Variants in TTC24 observed in about 807,000 individuals in gnomAD.
TTC24 encodes tetratricopeptide repeat protein 24.
Under a neutral mutation model 63.3 loss-of-function variants are expected in TTC24, and 54 were observed. The observed-to-expected ratio is 0.85, with a 90% CI of 0.69 to 1.07. The LOEUF is 1.07. Among genes scored for constraint, TTC24 ranks in the 50% least tolerant of loss-of-function variants. The pLI is 0.00. For missense variants in TTC24, 680 were observed against 730.5 expected, an observed-to-expected ratio of 0.93 and a Z score of 0.80; for synonymous variants, 276 against 304.3, an observed-to-expected ratio of 0.91 and a Z score of 0.97.
rs1677011455 is a variant in TTC24 at position 156,581,987 on chromosome 1, G to A, written c.623G>A (p.Gly208Glu). ...GCGGCAGGATGTATGCTGAAGAGTG[G>A]GCGGCATCGGGTGGGGGAAGTTGTG... ...GAAAGCMLKS[G>E]RHRVGEVVQV... Residue 208 changes from glycine (G) to glutamate (E), a missense_variant, in exon 2 of 11, where the codon GGG (glycine) becomes GAG (glutamate). Gly to Glu is a moderately conservative substitution (Grantham distance 98). Coordinates refer to ENST00000368236, the MANE Select transcript of TTC24 (RefSeq NM_001105669.4). 4 of 1,512,560 alleles carry A rather than the reference G, an allele frequency of 2.6e-6. No homozygotes were observed. The highest frequency in any genetic ancestry group is 1.4e-5 in the African/African-American group (1 of 70,892). The allele number at this position is 1,512,560 out of a possible 1,614,324, so 93.7% of individuals were successfully genotyped here.
chr1:156,585,768 C>G lies in TTC24; in HGVS notation c.1512C>G (p.Pro504=), dbSNP rs1677137899. Residue 504 remains proline, a synonymous_variant, in exon 9 of 11, where the codon CCC becomes CCG. Transcript: ENST00000368236. ...CGCACCATCTAGCTTCTAGTTGCCC[C>G]ACGTTTACCAAGCACACGCCCTGCA... ...NHSHHLASSC[P]TFTKHTPCRG... is the part of the protein sequence containing the mutation. The G allele has an allele frequency of 6.2e-7, 1 of 1,613,852 alleles. No individual in the cohort carries two copies. Among genetic ancestry groups the G allele is most frequent in the Non-Finnish European group, 8.5e-7 (1 of 1,179,892 alleles).
rs2102475193 is a variant in TTC24 at position 156,583,958 on chromosome 1, T to G, written c.1251+63T>G. On this transcript the variant is annotated intron_variant, in intron 6 of 10. Transcript: ENST00000368236. This position sits in a 1 kb window ranked among gnomAD's most constrained non-coding sequence, Gnocchi z 4.0. ...AGAGGTTACCCAGAGAAGGGGTTGG[T>G]GGTAAGCAGAGACGCTGTTCCCTGG... 7.0e-7 allele frequency: 1 copy of G among 1,422,054 alleles called. No homozygotes were observed. Among genetic ancestry groups the G allele is most frequent in the Non-Finnish European group, 9.7e-7 (1 of 1,030,904 alleles). 88.1% of individuals were successfully genotyped at this position (1,422,054 alleles called of 1,614,324 possible). A position where few individuals can be genotyped will look rare whatever the true frequency, so the allele number is the denominator to read the frequency against.
rs982415879 is a variant in TTC24 at position 156,586,834 on chromosome 1, T to C, written c.*284T>C. On this transcript the variant is annotated 3_prime_UTR_variant, in exon 11 of 11. Transcript: ENST00000368236. ...TTCTGAATCCAAATCTTACGATTGC[T>C]AGGGGCCTGGCAGTTCTAAAAACTG... The C allele has an allele frequency of 1.4e-5, 4 of 289,550 alleles. No individual in the cohort carries two copies. The highest frequency in any genetic ancestry group is 8.3e-5 in the African/African-American group (4 of 47,968). 17.9% of individuals were successfully genotyped at this position (289,550 alleles called of 1,614,324 possible). A position where few individuals can be genotyped will look rare whatever the true frequency, so the allele number is the denominator to read the frequency against.
chr1:156,582,181 C>A (rs1212621879), intron 2 of TTC24, 50 bp from the exon 3 acceptor site: 2 of 1,506,982 alleles, frequency 1.3e-6, no homozygotes, highest in South Asian at 2.5e-5. Context: ...GCTGTACCAG[C>A]CTCATTTATA....
rs759968377 is a variant in TTC24, at chr1:156,585,824, A to G, written c.1568A>G (p.Tyr523Cys). The G allele has an allele frequency of 1.2e-6, 2 of 1,612,310 alleles. No individual in the cohort carries two copies. The highest frequency in any genetic ancestry group is 2.2e-5 in the East Asian group (1 of 44,876). The stretch of plus-strand genomic sequence containing the variant: ...ACAGTCCTCGGCAAAGCCTCCATCT[A>G]TAGTGAGCAGTGCATCCCCTGACAC... ...RGTVLGKASIYSPGPRAHLPF... is the reference protein window; with the variant it reads ...RGTVLGKASICSPGPRAHLPF... Residue 523 changes from tyrosine to cysteine, a missense_variant and splice_region_variant, in exon 9 of 11, where the codon TAT becomes TGT. Coordinates refer to ENST00000368236, the MANE Select transcript of TTC24 (RefSeq NM_001105669.4).
rs948182767 is a variant in TTC24, at chr1:156,587,643, C to T, written c.*1093C>T. On this transcript the variant is annotated 3_prime_UTR_variant, in exon 11 of 11. Coordinates refer to ENST00000368236, the MANE Select transcript of TTC24 (RefSeq NM_001105669.4). ...TTGAGCCCAGGAGTTTGAGACCACC[C>T]TGGGCAACATAGTGAGACCCCATGT... Among the ~76,000 whole-genome samples, 1 of 151,950 alleles carries T rather than the reference C, an allele frequency of 6.6e-6. No individual in the cohort carries two copies. The highest frequency in any genetic ancestry group is 2.4e-5 in the African/African-American group (1 of 41,324).
rs369172224 is a variant in TTC24 at position 156,586,001 on chromosome 1, G to A, written c.1623G>A (p.Ala541=). 414 of 1,589,220 alleles carry A rather than the reference G, an allele frequency of 2.6e-4. No individual in the cohort carries two copies. Among genetic ancestry groups the A allele is most frequent in the Non-Finnish European group, 2.8e-4 (329 of 1,167,362 alleles). Residue 541 remains alanine (A), a synonymous_variant, in exon 10 of 11, where the codon GCG becomes GCA. Transcript: ENST00000368236. ...TTGTAGGTCCAGGCCCTCCCAGAGC[G>A]GAGTACCCTAGCATCTTGGTACCCA... ...LPFVGPGPPR[A]EYPSILVPNG...
At position 156,583,957 on chromosome 1, in the gene TTC24, G is replaced by C; in HGVS notation, c.1251+62G>C. On this transcript the variant is annotated intron_variant, in intron 6 of 10. Transcript: ENST00000368236. This position sits in a 1 kb window ranked among gnomAD's most constrained non-coding sequence, Gnocchi z 4.0. ...GAGAGGTTACCCAGAGAAGGGGTTG[G>C]TGGTAAGCAGAGACGCTGTTCCCTG... The C allele has an allele frequency of 7.0e-7, 1 of 1,421,826 alleles. No homozygotes were observed. Among genetic ancestry groups the C allele is most frequent in the Non-Finnish European group, 9.7e-7 (1 of 1,030,338 alleles). 88.1% of individuals were successfully genotyped at this position (1,421,826 alleles called of 1,614,324 possible). A position where few individuals can be genotyped will look rare whatever the true frequency, so the allele number is the denominator to read the frequency against.
At chr1:156,585,061 TC>T in intron 7 of TTC24, 63 bp from the exon 8 acceptor site, 1 of 1,550,216 alleles carries the variant, frequency 6.5e-7, no homozygotes, top group Admixed American at 1.9e-5. Context: ...CCCATGTGTA[TC>T]CCCAGGAAGG....
chr1:156,581,296 A>G, intron 1 of TTC24, 65 bp from the exon 2 acceptor site: 1 of 1,249,418 alleles, frequency 8.0e-7, no homozygotes, highest in Non-Finnish European at 1.1e-6. Flanking sequence ...AATTGCCCTA[A>G]GGGGGTCCTG....
chr1:156,583,858 G>T lies in TTC24; in HGVS notation c.1214G>T (p.Arg405Leu), dbSNP rs528644684. The T allele has an allele frequency of 2.5e-6, 4 of 1,584,518 alleles. No homozygotes were observed. In the South Asian group the frequency reaches 4.6e-5, roughly 18 times the overall value. ...AAGCTGGCAGACACCGTGAGGACGC[G>T]CTTGGCCCAGGTGGGGCTGGTCCAG... ...VAKLADTVRT[R>L]LAQVGLVQTH... Residue 405 changes from arginine to leucine, a missense_variant, in exon 6 of 11, where the codon CGC becomes CTC. Arg to Leu is a moderately radical substitution (Grantham distance 102, BLOSUM62 -2). Coordinates refer to ENST00000368236, the MANE Select transcript of TTC24 (RefSeq NM_001105669.4). The surrounding 1 kb of genome is among the most constrained non-coding windows in gnomAD (Gnocchi z 4.0).
In TTC24 at chr1:156,587,667, G is replaced by A. The variant is rs976110940; in HGVS notation, c.*1117G>A. On this transcript the variant is annotated 3_prime_UTR_variant, in exon 11 of 11. Coordinates refer to ENST00000368236, the MANE Select transcript of TTC24 (RefSeq NM_001105669.4). ...CCTGGGCAACATAGTGAGACCCCATGTCAATGTAAAAGAAAATTTATCTTT... is the reference window on the plus strand; with the variant it reads ...CCTGGGCAACATAGTGAGACCCCATATCAATGTAAAAGAAAATTTATCTTT... 6.6e-6 allele frequency among the ~76,000 whole-genome samples: 1 copy of A among 151,970 alleles called. No individual in the cohort carries two copies. Among genetic ancestry groups the A allele is most frequent in the African/African-American group, 2.4e-5 (1 of 41,310 alleles).
rs1050082839 is a variant in TTC24 at position 156,586,933 on chromosome 1, A to G, written c.*383A>G. Among the ~76,000 whole-genome samples the G allele has an allele frequency of 1.3e-5, 2 of 152,184 alleles. No homozygotes were observed. The highest frequency in any genetic ancestry group is 4.8e-5 in the African/African-American group (2 of 41,426). On this transcript the variant is annotated 3_prime_UTR_variant, in exon 11 of 11. Transcript: ENST00000368236. ...ATTTTTGCACATGAGAAATGAGGAT[A>G]TAATACTACAGAAGAGGCATCTTAC...
At position 156,583,535 on chromosome 1, in the gene TTC24, C is replaced by A; in HGVS notation, c.1152+85C>A. The stretch of plus-strand genomic sequence containing the variant: ...CCTGCCTTCACTCCTTGTCTTCTCC[C>A]CATCACTCACTCAATCAGCAAACAT... On this transcript the variant is annotated intron_variant, in intron 5 of 10. Transcript: ENST00000368236. This position sits in a 1 kb window ranked among gnomAD's most constrained non-coding sequence, Gnocchi z 4.0. The A allele has an allele frequency of 8.8e-7, 1 of 1,134,430 alleles. No individual in the cohort carries two copies. Among genetic ancestry groups the A allele is most frequent in the South Asian group, 1.5e-5 (1 of 66,120 alleles). The allele number at this position is 1,134,430 out of a possible 1,614,324, so 70.3% of individuals were successfully genotyped here. A position where few individuals can be genotyped will look rare whatever the true frequency, so the allele number is the denominator to read the frequency against.
intron 8 of TTC24, 124 bp downstream of exon 8, chr1:156,585,355 C>A (rs1677128192): frequency 1.2e-6 from 1 of 808,346 alleles, no homozygotes; most frequent in Non-Finnish European, 1.9e-6. Flanking sequence ...GTTGTCATTT[C>A]TTTGAGGCCT....
In TTC24 at chr1:156,586,049, G is replaced by A; in HGVS notation, c.1667+4G>A. On this transcript the variant is annotated splice_donor_region_variant and intron_variant, in intron 10 of 10. Coordinates refer to ENST00000368236, the MANE Select transcript of TTC24 (RefSeq NM_001105669.4). ...CCAATGGCCCTCAAGCCAATAGGTGGGTCCTTGGGGGAAAGAAGGAGGCCT... is the reference window on the plus strand; with the variant it reads ...CCAATGGCCCTCAAGCCAATAGGTGAGTCCTTGGGGGAAAGAAGGAGGCCT... 1 of 1,557,300 alleles carries A rather than the reference G, an allele frequency of 6.4e-7. No individual in the cohort carries two copies. The highest frequency in any genetic ancestry group is 2.4e-5 in the East Asian group (1 of 42,136).
chr1:156,581,532 G>T lies in TTC24; in HGVS notation c.168G>T (p.Leu56Phe), dbSNP rs1437879579. 6.4e-7 allele frequency: 1 copy of T among 1,551,354 alleles called. No individual in the cohort carries two copies. The highest frequency in any genetic ancestry group is 2.4e-5 in the East Asian group (1 of 40,904). ...AGGCTGGCCAGAACCATGAAGCCTT[G>T]AACAACTTCCAGAGGGCCTTCCTTC... ...ALQAGQNHEA[L>F]NNFQRAFLLA... The change falls in exon 2 of 11, where the codon TTG (leucine) becomes TTT (phenylalanine). Residue 56 changes from leucine to phenylalanine, a missense_variant. Transcript: ENST00000368236.
At chr1:156,584,022 C>T in intron 6 of TTC24, 127 bp downstream of exon 6, 1 of 745,022 alleles carries the variant, frequency 1.3e-6, no homozygotes, top group South Asian at 1.7e-5. Context: ...GTTCATCCGC[C>T]TTGAGCCTGC....
rs1470087018 is a variant in TTC24, at chr1:156,586,484, C to G, written c.1683C>G (p.Pro561=). 1.2e-6 allele frequency: 2 copies of G among 1,611,482 alleles called. No individual in the cohort carries two copies. The highest frequency in any genetic ancestry group is 4.5e-5 in the East Asian group (2 of 44,868). ...GPQANRSSRW[P]RESLSRSRQR... is the part of the protein sequence containing the mutation. The stretch of plus-strand genomic sequence containing the variant: ...CCTCTTTCAGGTCATCCAGGTGGCC[C>G]AGGGAAAGCCTCAGCAGGAGCCGCC... Residue 561 remains proline (P), a synonymous_variant, in exon 11 of 11, where the codon CCC becomes CCG. Coordinates refer to ENST00000368236, the MANE Select transcript of TTC24 (RefSeq NM_001105669.4).
Sources: gnomAD v4.1 joint callset for allele counts (sites outside exome capture counted in the v4.1 genomes callset) on GRCh38, gnomAD v4.1.1 for gene constraint, Gnocchi (gnomAD v3.1) non-coding constraint, MANE v1.5 for transcripts, NCBI Gene and HGNC (gene_info 2026-07-23, HGNC 2026-07-21) for gene names.